Variants in ENOSF1 observed in about 807,000 individuals in gnomAD.
ENOSF1 encodes mitochondrial enolase superfamily member 1.
Under a neutral mutation model 68.2 loss-of-function variants are expected in ENOSF1, and 73 were observed. The observed-to-expected ratio is 1.07, with a 90% CI of 0.89 to 1.30. ENOSF1 has a LOEUF of 1.30. ENOSF1 is among the 50% of genes most tolerant of loss of function. The pLI is 0.00. For missense variants in ENOSF1, 589 were observed against 554.5 expected (o/e 1.06, Z -0.62); for synonymous variants, 223 against 210.4 (o/e 1.06, Z -0.52).
downstream of ENOSF1, among the ~76,000 whole-genome samples, chr18:668,622 G>C (rs758047641): frequency 1.8e-4 from 28 of 152,190 alleles, no homozygotes; most frequent in Non-Finnish European, 3.7e-4. Context: ...GAAAGTATAT[G>C]GAATACTATA....
At chr18:684,928 G>A (rs547850141) in intron 10 of ENOSF1, among the ~76,000 whole-genome samples, 97 of 151,768 alleles carry the variant, frequency 6.4e-4, no homozygotes, top group Non-Finnish European at 1.3e-3. Context: ...TGGTATTATT[G>A]TAGCTCACTG....
chr18:683,468 C>G lies in ENOSF1; in HGVS notation c.742-88G>C. On this transcript the variant is annotated intron_variant, in intron 10 of 15. Transcript: ENST00000647584. The stretch of plus-strand genomic sequence containing the variant: ...CTCCCAGGGAGGAAATGCTGTCACT[C>G]AGTGCCACCAACAGCTGAGTGAGAC... The G allele has an allele frequency of 5.3e-6, 8 of 1,510,540 alleles. 1 individual carries two copies. The South Asian group carries it at 7.2e-5, about 14-fold the overall frequency. 93.6% of individuals were successfully genotyped at this position (1,510,540 alleles called of 1,614,324 possible). A position where few individuals can be genotyped will look rare whatever the true frequency, so the allele number is the denominator to read the frequency against.
intron 14 of ENOSF1, 88 bp downstream of exon 14, chr18:677,257 G>T: frequency 9.0e-7 from 1 of 1,108,760 alleles, no homozygotes. Context: ...GTCTTAGTGT[G>T]TTCTGGTCAT....
chr18:692,679 G>A (rs1440477937), intron 5 of ENOSF1: 2 of 984,888 alleles, frequency 2.0e-6, no homozygotes, highest in Non-Finnish European at 2.4e-6. Context: ...AAAAATGGAG[G>A]GTCCACAGGT....
the ENOSF1 span, among the ~76,000 whole-genome samples, chr18:664,780 T>C: frequency 1.5e-4 from 22 of 150,402 alleles, no homozygotes; most frequent in African/African-American, 5.4e-4. Flanking sequence ...GATAATCATG[T>C]GGTTTTTGTC....
chr18:688,725 A>T, intron 8 of ENOSF1, 117 bp from the exon 9 acceptor site: 1 of 859,252 alleles, frequency 1.2e-6, no homozygotes, highest in Non-Finnish European at 1.9e-6. Flanking sequence ...CCAGAGTAAC[A>T]CCCATGTGTT....
At chr18:703,435 C>G (rs1284589058) in intron 2 of ENOSF1, among the ~76,000 whole-genome samples, 2 of 152,084 alleles carry the variant, frequency 1.3e-5, no homozygotes, top group Non-Finnish European at 2.9e-5. Flanking sequence ...GGGGGCTGTG[C>G]TGTAGGGTTT....
intron 11 of ENOSF1, chr18:683,028 T>C (rs2076235653): frequency 1.9e-6 from 1 of 537,228 alleles, no homozygotes; most frequent in Non-Finnish European, 3.2e-6. Context: ...GCTTACTTTA[T>C]CTAAAACAAA....
chr18:712,307 G>T lies in ENOSF1; in HGVS notation c.84+197C>A. The T allele has an allele frequency of 8.8e-6, 13 of 1,485,420 alleles. 1 individual carries two copies. Among genetic ancestry groups the T allele is most frequent in the East Asian group, 5.2e-5 (2 of 38,650 alleles). 92.0% of individuals were successfully genotyped at this position (1,485,420 alleles called of 1,614,324 possible). Reference sequence around the variant, plus strand: ...GAAGTCGGGAAGCTGCCCGGGGCCCGCAGAGCTGCAGTCGGCGGGGCGGGA... The same window carrying T: ...GAAGTCGGGAAGCTGCCCGGGGCCCTCAGAGCTGCAGTCGGCGGGGCGGGA... On this transcript the variant is annotated intron_variant, in intron 1 of 15. Transcript: ENST00000647584.
At position 678,548 on chromosome 18, in the gene ENOSF1, A is replaced by G. The variant is rs1324794265; in HGVS notation, c.918+148T>C. 3.4e-5 allele frequency: 26 copies of G among 773,184 alleles called. No individual in the cohort carries two copies. In the East Asian group the frequency reaches 5.5e-4, roughly 16 times the overall value. 47.9% of individuals were successfully genotyped at this position (773,184 alleles called of 1,614,324 possible). On this transcript the variant is annotated intron_variant, in intron 12 of 15. Coordinates refer to ENST00000647584, the MANE Select transcript of ENOSF1 (RefSeq NM_017512.7). The stretch of plus-strand genomic sequence containing the variant: ...TCTATATCTGACTCTAGACTCTGAT[A>G]AAATGACCCAGTTTCTAAGATGATG...
Position 712,532 on chromosome 18 carries a change from G to C in ENOSF1, c.56C>G (p.Ser19Trp). 5 of 1,540,156 alleles carry C rather than the reference G, an allele frequency of 3.2e-6. No homozygotes were observed. Reference sequence around the variant, plus strand: ...GGCGTCCGCGCCGTGGCCCCCAAGCGACGTGGGGAAGCGCACGTCCCGGAC... The same window carrying C: ...GGCGTCCGCGCCGTGGCCCCCAAGCCACGTGGGGAAGCGCACGTCCCGGAC... Reference protein sequence around the residue: ...LSVRDVRFPTSLGGHGADAMH... With the variant: ...LSVRDVRFPTWLGGHGADAMH... Residue 19 changes from serine to tryptophan, a missense_variant, in exon 1 of 16, where the codon TCG becomes TGG. Coordinates refer to ENST00000647584, the MANE Select transcript of ENOSF1 (RefSeq NM_017512.7).
At position 670,652 on chromosome 18, in the gene ENOSF1, AACC is replaced by A. The variant is rs776731765; in HGVS notation, c.*3650_*3652del. ...CTTTGCCTTTAGCTGTGGTCTTTCA[AACC>A]ACCATCCCTCCTTATCTTCCTCTGC... On this transcript the variant is annotated 3_prime_UTR_variant, in exon 16 of 16. Coordinates refer to ENST00000647584, the MANE Select transcript of ENOSF1 (RefSeq NM_017512.7). The A allele has an allele frequency of 2.4e-5, 39 of 1,604,952 alleles. No homozygotes were observed. The East Asian group carries it at 3.8e-4, about 16-fold the overall frequency.
At chr18:689,968 A>C (rs935549373) in intron 8 of ENOSF1, among the ~76,000 whole-genome samples, 10 of 152,088 alleles carry the variant, frequency 6.6e-5, no homozygotes, top group Admixed American at 1.3e-4. Flanking sequence ...TGAAGCCTCC[A>C]TAAAACCCCC....
At position 712,598 on chromosome 18, in the gene ENOSF1, C is replaced by T; in HGVS notation, c.-11G>A. 1 of 1,533,686 alleles carries T rather than the reference C, an allele frequency of 6.5e-7. No individual in the cohort carries two copies. The highest frequency in any genetic ancestry group is 8.7e-7 in the Non-Finnish European group (1 of 1,144,294). On this transcript the variant is annotated 5_prime_UTR_variant, in exon 1 of 16. Coordinates refer to ENST00000647584, the MANE Select transcript of ENOSF1 (RefSeq NM_017512.7). ...CCTGCCGCGCACCATGGCCCCTGCG[C>T]CCCGTGGCCGCGGCCCCCGTGCGGT...
At chr18:702,471 A>C (rs1319025382) in intron 2 of ENOSF1, among the ~76,000 whole-genome samples, 3 of 151,966 alleles carry the variant, frequency 2.0e-5, no homozygotes, top group African/African-American at 7.3e-5. Context: ...GCTACTTGGG[A>C]AACTGAGGCA....
intron 2 of ENOSF1, among the ~76,000 whole-genome samples, chr18:701,219 A>G (rs549785676): frequency 9.9e-5 from 15 of 152,256 alleles, no homozygotes; most frequent in Admixed American, 5.9e-4. Flanking sequence ...CTTAGTCTAC[A>G]TTGTACATAT....
rs1463138761 is a variant in ENOSF1 at position 673,640 on chromosome 18, T to C, written c.*665A>G. 2 of 172,128 alleles carry C rather than the reference T, an allele frequency of 1.2e-5. No individual in the cohort carries two copies. The highest frequency in any genetic ancestry group is 4.8e-5 in the African/African-American group (2 of 42,006). The allele number at this position is 172,128 out of a possible 1,614,324, so 10.7% of individuals were successfully genotyped here. On this transcript the variant is annotated 3_prime_UTR_variant, in exon 16 of 16. Transcript: ENST00000647584. ...AGTATATTTTAGAAATAATAGTGAA[T>C]ATATTTTGCCCTATTTTTCTCATTT... is the stretch of plus-strand genomic sequence containing the variant.
chr18:682,514 A>G (rs187097680), intron 11 of ENOSF1, among the ~76,000 whole-genome samples: 61 of 152,240 alleles, frequency 4.0e-4, no homozygotes, highest in African/African-American at 1.4e-3. Context: ...TGACTGAAAC[A>G]TTGTTATGGG....
intron 5 of ENOSF1, chr18:692,674 T>G: frequency 2.0e-6 from 2 of 983,584 alleles, no homozygotes; most frequent in Non-Finnish European, 2.4e-6. Flanking sequence ...GATCCAAAAA[T>G]GGAGGGTCCA....
Sources: gnomAD v4.1 joint callset for allele counts (sites outside exome capture counted in the v4.1 genomes callset) on GRCh38, gnomAD v4.1.1 for gene constraint, MANE v1.5 for transcripts, NCBI Gene and HGNC (gene_info 2026-07-23, HGNC 2026-07-21) for gene names.